Variants in BRD8 observed in about 807,000 individuals in gnomAD.
The protein encoded by BRD8 is bromodomain containing 8.
BRD8 carries 67 observed loss-of-function variants against 143.1 expected under a neutral mutation model. The observed-to-expected ratio is 0.47, with a 90% CI of 0.38 to 0.57. The LOEUF is 0.57. Among genes scored for constraint, BRD8 ranks in the 20% least tolerant of loss-of-function variants. BRD8 has a pLI of 0.00. For synonymous variants in BRD8, 505 were observed against 517.1 expected, an observed-to-expected ratio of 0.98 and a Z score of 0.32; for missense variants, 1,103 against 1,503.0, an observed-to-expected ratio of 0.73 and a Z score of 4.40.
intron 20 of BRD8, among the ~76,000 whole-genome samples, chr5:138,155,815 C>G (rs1366058248): frequency 1.3e-5 from 2 of 152,032 alleles, no homozygotes; most frequent in Non-Finnish European, 2.9e-5. Flanking sequence ...GTGTGAGCCA[C>G]CGTGTCTGGC....
At chr5:138,149,618 T>C (rs1561600247) in intron 23 of BRD8, 22 bp downstream of exon 23, 8 of 1,556,900 alleles carry the variant, frequency 5.1e-6, no homozygotes, top group Non-Finnish European at 6.9e-6. Context: ...CTTAACAAAC[T>C]TGGATGAAAG....
Position 138,139,940 on chromosome 5 carries a change from T to C in BRD8, c.*134A>G, listed in dbSNP as rs1751838024. On this transcript the variant is annotated 3_prime_UTR_variant, in exon 27 of 27. Coordinates refer to ENST00000254900, the MANE Select transcript of BRD8 (RefSeq NM_139199.2). ...TATGTCCACATGCATCTTTGACTCGTTGGTTGTGAGTTAAGGTATTATTCT... is the reference window on the plus strand; with the variant it reads ...TATGTCCACATGCATCTTTGACTCGCTGGTTGTGAGTTAAGGTATTATTCT... 1.5e-6 allele frequency: 1 copy of C among 667,486 alleles called. No individual in the cohort carries two copies. Among genetic ancestry groups the C allele is most frequent in the Non-Finnish European group, 2.6e-6 (1 of 386,682 alleles). 41.3% of individuals were successfully genotyped at this position (667,486 alleles called of 1,614,324 possible). A position where few individuals can be genotyped will look rare whatever the true frequency, so the allele number is the denominator to read the frequency against.
At chr5:138,172,665 CAAAAAAAAAAAA>C (rs147364810) in intron 2 of BRD8, 32 of 216,686 alleles carry the variant, frequency 1.5e-4, no homozygotes, top group East Asian at 9.9e-4. Context: ...CCCATCCCTA[CAAAAAAAAAAAA>C]AAAAAAAAAA....
rs369391744 is a variant in BRD8 at position 138,152,182 on chromosome 5, G to A, written c.2856+300C>T. 2.2e-4 allele frequency among the ~76,000 whole-genome samples: 33 copies of A among 151,892 alleles called. No homozygotes were observed. In the East Asian group the frequency reaches 5.3e-3, roughly 24 times the overall value. ...TTTTTGTATTTTTAGTAGAGATGGG[G>A]TTTCACCATGTTGGCCAGGCTGGTC... On this transcript the variant is annotated intron_variant, in intron 21 of 26. Transcript: ENST00000254900.
chr5:138,140,579 A>G, intron 26 of BRD8, 126 bp downstream of exon 26: 2 of 1,126,272 alleles, frequency 1.8e-6, no homozygotes, highest in South Asian at 1.3e-5. Context: ...CACATTATCA[A>G]TCCTTCAGGG....
In BRD8 at chr5:138,172,830, G is replaced by A. The variant is rs745534496; in HGVS notation, c.117-696C>T. On this transcript the variant is annotated intron_variant, in intron 2 of 26. Coordinates refer to ENST00000254900, the MANE Select transcript of BRD8 (RefSeq NM_139199.2). Reference sequence around the variant, plus strand: ...AATCGCGCCACTGCACTCCAGCCTGGGTGACAGAGTAAGACCACCCCCTCC... The same window carrying A: ...AATCGCGCCACTGCACTCCAGCCTGAGTGACAGAGTAAGACCACCCCCTCC... 69 of 380,500 alleles carry A rather than the reference G, an allele frequency of 1.8e-4. 1 individual carries two copies. The highest frequency in any genetic ancestry group is 1.3e-3 in the South Asian group (68 of 53,750). 23.6% of individuals were successfully genotyped at this position (380,500 alleles called of 1,614,324 possible). A position where few individuals can be genotyped will look rare whatever the true frequency, so the allele number is the denominator to read the frequency against.
In BRD8 at chr5:138,141,080, AAC is replaced by A. The variant is rs1191468460; in HGVS notation, c.3438-200_3438-199del. 2.6e-5 allele frequency among the ~76,000 whole-genome samples: 4 copies of A among 152,216 alleles called. No homozygotes were observed. The East Asian group carries it at 7.7e-4, about 29-fold the overall frequency. On this transcript the variant is annotated intron_variant, in intron 25 of 26. Transcript: ENST00000254900. Reference sequence around the variant, plus strand: ...GGGCCAAACACTGTATTTCTATACTAACTCACTTAATCCTCTCAATAAACCTG... The same window carrying A: ...GGGCCAAACACTGTATTTCTATACTATCACTTAATCCTCTCAATAAACCTG...
intron 1 of BRD8, among the ~76,000 whole-genome samples, chr5:138,178,287 G>A (rs1754530663): frequency 6.6e-6 from 1 of 152,136 alleles, no homozygotes; most frequent in African/African-American, 2.4e-5. Context: ...ACTCCGTCTG[G>A]CTCATAACAT....
chr5:138,168,509 G>T, intron 8 of BRD8: 2 of 1,604,094 alleles, frequency 1.2e-6, no homozygotes, highest in Non-Finnish European at 1.7e-6. Context: ...CCTTCTTCAA[G>T]AGCTCTGACA....
At chr5:138,145,389 G>C in intron 24 of BRD8, 144 bp from the exon 25 acceptor site, 2 of 643,512 alleles carry the variant, frequency 3.1e-6, no homozygotes, top group Admixed American at 6.5e-5. Context: ...GTTCCCTCTT[G>C]CCAGAGAGTT....
intron 2 of BRD8, among the ~76,000 whole-genome samples, chr5:138,175,174 G>A (rs1207137934): frequency 3.3e-5 from 5 of 152,184 alleles, no homozygotes; most frequent in Non-Finnish European, 7.3e-5. Flanking sequence ...GTGAGCCACT[G>A]CGCCCGGCCT....
In BRD8 at chr5:138,152,582, C is replaced by T. The variant is rs1157148212; in HGVS notation, c.2756G>A (p.Arg919Lys). Residue 919 changes from arginine to lysine, a missense_variant, in exon 21 of 27, where the codon AGA becomes AAA. By Grantham distance (26) the Arg-to-Lys change is conservative. Around this residue, in one of 7 missense-constraint regions of BRD8, gnomAD observed 369 missense variants for 445.5 expected, o/e 0.83. Coordinates refer to ENST00000254900, the MANE Select transcript of BRD8 (RefSeq NM_139199.2). ...CCCAACAAGCAGTTCACTAGGTTCTCTCTCCGGGCTGCTTTCCTCTAGTTC... is the reference window on the plus strand; with the variant it reads ...CCCAACAAGCAGTTCACTAGGTTCTTTCTCCGGGCTGCTTTCCTCTAGTTC... ...AEELEESSPE[R>K]EPSELLVGDG... The T allele has an allele frequency of 6.2e-7, 1 of 1,614,220 alleles. No homozygotes were observed. The highest frequency in any genetic ancestry group is 8.5e-7 in the Non-Finnish European group (1 of 1,180,042).
intron 23 of BRD8, among the ~76,000 whole-genome samples, chr5:138,146,969 C>CAAAA (rs60597015): frequency 8.2e-5 from 4 of 49,028 alleles, no homozygotes; most frequent in East Asian, 6.4e-4. Flanking sequence ...AACTCCGTCT[C>CAAAA]AAAAAAAAAA....
chr5:138,154,676 T>C (rs1053767514), intron 20 of BRD8, among the ~76,000 whole-genome samples: 1 of 152,188 alleles, frequency 6.6e-6, no homozygotes, highest in African/African-American at 2.4e-5. Context: ...AAAAGATCTG[T>C]GACTTCTAAT....
Position 138,165,170 on chromosome 5 carries a change from T to C in BRD8, c.1279-4A>G. On this transcript the variant is annotated splice_region_variant and splice_polypyrimidine_tract_variant and intron_variant, in intron 11 of 26. Transcript: ENST00000254900. ...GCACTTCAGGATGATCATCTACCTG[T>C]CCCACAAAACACAAGACTATTGAGG... The C allele has an allele frequency of 6.2e-7, 1 of 1,612,820 alleles. No individual in the cohort carries two copies. Among genetic ancestry groups the C allele is most frequent in the Non-Finnish European group, 8.5e-7 (1 of 1,179,600 alleles).
At chr5:138,157,346 T>C (rs1185372284) in intron 20 of BRD8, 1 of 1,578,900 alleles carries the variant, frequency 6.3e-7, no homozygotes, top group African/African-American at 1.4e-5. Flanking sequence ...AGTTGGGGAT[T>C]TGGTTTCTTG....
At chr5:138,154,688 G>A (rs192618764) in intron 20 of BRD8, among the ~76,000 whole-genome samples, 53 of 152,068 alleles carry the variant, frequency 3.5e-4, no homozygotes, top group Admixed American at 2.8e-3. Flanking sequence ...ACTTCTAATC[G>A]TATCCTCTTA....
intron 15 of BRD8, 101 bp downstream of exon 15, chr5:138,163,029 A>G: frequency 3.1e-6 from 3 of 968,404 alleles, no homozygotes; most frequent in Non-Finnish European, 4.4e-6. Flanking sequence ...GGAAAGGGAA[A>G]AGAAAAGAAA....
intron 2 of BRD8, among the ~76,000 whole-genome samples, chr5:138,176,006 T>A (rs1754303069): frequency 6.7e-6 from 1 of 149,692 alleles, no homozygotes; most frequent in Admixed American, 6.6e-5. Flanking sequence ...TCAAGAGAAT[T>A]AAAAACATTG....
Sources: allele counts gnomAD v4.1 joint callset (sites outside exome capture counted in the v4.1 genomes callset), GRCh38; gene constraint gnomAD v4.1.1; regional missense constraint gnomAD v4.1.1; transcripts MANE v1.5; gene names NCBI Gene and HGNC (gene_info 2026-07-23, HGNC 2026-07-21).